Variants in FAM227B observed in about 807,000 individuals in gnomAD.
FAM227B encodes the protein protein FAM227B.
Under a neutral mutation model 73.8 loss-of-function variants are expected in FAM227B, and 88 were observed. The observed-to-expected ratio is 1.19, with a 90% confidence interval of 1.00 to 1.42. FAM227B has a LOEUF of 1.42. Ranked by LOEUF, FAM227B falls within the 40% of genes most tolerant of loss-of-function variation. FAM227B has a pLI of 0.00. For missense variants in FAM227B, 632 were observed against 590.9 expected, an observed-to-expected ratio of 1.07 and a Z score of -0.72; for synonymous variants, 210 against 190.5, an observed-to-expected ratio of 1.10 and a Z score of -0.84.
intron 3 of FAM227B, chr15:49,606,045 T>G (rs2077498458): frequency 6.6e-6 from 1 of 152,366 alleles, no homozygotes; most frequent in Non-Finnish European, 1.5e-5. Context: ...CACACTGTTC[T>G]GCCCTTGCTT....
intron 10 of FAM227B, among the ~76,000 whole-genome samples, chr15:49,508,602 T>C (rs1258122774): frequency 3.9e-5 from 6 of 152,020 alleles, no homozygotes; most frequent in African/African-American, 1.4e-4. Flanking sequence ...TGGGAAAGTA[T>C]GACACAAATA....
chr15:49,327,860 G>T lies in FAM227B; in HGVS notation c.*708C>A. ...AAACCCCGCATGTATTTTCTTCTTA[G>T]AACTTAGATAGGCTATGTGTTCTAC... On this transcript the variant is annotated 3_prime_UTR_variant, in exon 16 of 16. Coordinates refer to ENST00000299338, the MANE Select transcript of FAM227B (RefSeq NM_152647.3). 1 of 1,233,378 alleles carries T rather than the reference G, an allele frequency of 8.1e-7. No individual in the cohort carries two copies. The highest frequency in any genetic ancestry group is 1.7e-5 in the South Asian group (1 of 60,498). 76.4% of individuals were successfully genotyped at this position (1,233,378 alleles called of 1,614,324 possible). A position where few individuals can be genotyped will look rare whatever the true frequency, so the allele number is the denominator to read the frequency against.
At chr15:49,604,972 C>T (rs986810542) in intron 3 of FAM227B, among the ~76,000 whole-genome samples, 1 of 151,764 alleles carries the variant, frequency 6.6e-6, no homozygotes, top group Non-Finnish European at 1.5e-5. Context: ...TCTTTGTGTT[C>T]TCTTGTTTAC....
At chr15:49,564,526 G>C (rs1461145956) in intron 9 of FAM227B, among the ~76,000 whole-genome samples, 4 of 152,154 alleles carry the variant, frequency 2.6e-5, no homozygotes, top group Non-Finnish European at 5.9e-5. Context: ...CTATCAAAAA[G>C]ACACATGTAC....
chr15:49,424,988 A>G (rs1444114188), intron 11 of FAM227B: 1 of 153,318 alleles, frequency 6.5e-6, no homozygotes, highest in African/African-American at 2.4e-5. Context: ...TAGGGAAATT[A>G]TTTTTATTAA....
chr15:49,425,712 T>G (rs767952958), intron 11 of FAM227B, among the ~76,000 whole-genome samples: 1 of 151,910 alleles, frequency 6.6e-6, no homozygotes, highest in Admixed American at 6.6e-5. Flanking sequence ...CAGAGAATTA[T>G]GTTTCCAATA....
At chr15:49,605,058 C>T (rs2077427962) in intron 3 of FAM227B, among the ~76,000 whole-genome samples, 1 of 149,330 alleles carries the variant, frequency 6.7e-6, no homozygotes. Flanking sequence ...GTAACTGATG[C>T]TTCTATTTGT....
intron 1 of FAM227B, 25 bp downstream of exon 1, chr15:49,620,675 G>A (rs1341222101): frequency 6.6e-6 from 1 of 152,098 alleles, no homozygotes; most frequent in African/African-American, 2.4e-5. Context: ...CTTTTCTCTG[G>A]GATCAACATT....
At chr15:49,605,221 T>G (rs914477112) in intron 3 of FAM227B, among the ~76,000 whole-genome samples, 6 of 152,232 alleles carry the variant, frequency 3.9e-5, no homozygotes, top group African/African-American at 1.4e-4. Context: ...GTGGGGTCCA[T>G]GGACTTCCTG....
chr15:49,560,206 A>G (rs1324999198), intron 9 of FAM227B, among the ~76,000 whole-genome samples: 1 of 151,970 alleles, frequency 6.6e-6, no homozygotes, highest in Non-Finnish European at 1.5e-5. Context: ...GAAATAAAAA[A>G]CTCACCAAAG....
chr15:49,408,165 G>A (rs781580651), intron 11 of FAM227B, among the ~76,000 whole-genome samples: 4 of 152,074 alleles, frequency 2.6e-5, no homozygotes, highest in African/African-American at 7.2e-5. Context: ...GCAAGAAAAC[G>A]TTTTTATTTA....
intron 11 of FAM227B, among the ~76,000 whole-genome samples, chr15:49,426,921 C>G (rs2050180272): frequency 6.6e-6 from 1 of 151,872 alleles, no homozygotes; most frequent in Non-Finnish European, 1.5e-5. Context: ...TAAGTAAACC[C>G]TAAAACTGTC....
chr15:49,462,527 T>C lies in FAM227B; in HGVS notation c.1012+45684A>G, dbSNP rs528562815. ...TTTGTTAAAAAGTCTCTACTGATTC[T>C]ATTTTAACTTTGTATCTTTCATTCA... is the stretch of plus-strand genomic sequence containing the variant. On this transcript the variant is annotated intron_variant, in intron 11 of 15. Coordinates refer to ENST00000299338, the MANE Select transcript of FAM227B (RefSeq NM_152647.3). Among the ~76,000 whole-genome samples the C allele has an allele frequency of 4.6e-5, 7 of 152,350 alleles. No individual in the cohort carries two copies. In the South Asian group the frequency reaches 8.3e-4, roughly 18 times the overall value.
At chr15:49,418,782 CA>C in intron 11 of FAM227B, among the ~76,000 whole-genome samples, 1 of 148,220 alleles carries the variant, frequency 6.7e-6, no homozygotes, top group East Asian at 2.0e-4. Context: ...CCTAAAAGAT[CA>C]AAAAAAGAAA....
chr15:49,397,725 G>C (rs2047797579), intron 11 of FAM227B, among the ~76,000 whole-genome samples: 1 of 152,122 alleles, frequency 6.6e-6, no homozygotes, highest in African/African-American at 2.4e-5. Flanking sequence ...TTTCAACCCA[G>C]AATTTCATAT....
chr15:49,449,643 T>C (rs755093362), intron 11 of FAM227B, among the ~76,000 whole-genome samples: 34 of 152,026 alleles, frequency 2.2e-4, no homozygotes, highest in Non-Finnish European at 4.4e-4. Flanking sequence ...AAATATGCCA[T>C]ACTGTCGGCT....
Position 49,335,494 on chromosome 15 carries a change from A to G in FAM227B, c.1274T>C (p.Leu425Pro), listed in dbSNP as rs887845099. The change falls in exon 14 of 16, where the codon CTA (leucine) becomes CCA (proline). Residue 425 changes from leucine to proline, a missense_variant and splice_region_variant. By Grantham distance (98) the Leu-to-Pro change is moderately conservative. Transcript: ENST00000299338. Reference protein sequence around the residue: ...IKLTKIFQEPLPAPTYRDVIK... With the variant: ...IKLTKIFQEPPPAPTYRDVIK... Reference sequence around the variant, plus strand: ...AACATCACGGTATGTTGGAGCAGGTAGTGTGCTAGGCTTATTATTAAGGAA... The same window carrying G: ...AACATCACGGTATGTTGGAGCAGGTGGTGTGCTAGGCTTATTATTAAGGAA... The G allele has an allele frequency of 1.2e-6, 2 of 1,612,024 alleles. No individual in the cohort carries two copies. The highest frequency in any genetic ancestry group is 2.7e-5 in the African/African-American group (2 of 75,014).
chr15:49,356,982 C>A (rs1286953167), intron 13 of FAM227B, among the ~76,000 whole-genome samples: 4 of 150,710 alleles, frequency 2.7e-5, no homozygotes, highest in South Asian at 4.2e-4. Flanking sequence ...TCCTGAATGA[C>A]TACTGGGTAC....
chr15:49,501,482 T>C (rs142338653), intron 11 of FAM227B, among the ~76,000 whole-genome samples: 1 of 152,278 alleles, frequency 6.6e-6, no homozygotes, highest in East Asian at 1.9e-4. Context: ...GGGTATCTGG[T>C]GGAAGAAATT....
Sources: allele counts gnomAD v4.1 joint callset (sites outside exome capture counted in the v4.1 genomes callset), GRCh38; gene constraint gnomAD v4.1.1; transcripts MANE v1.5; gene names NCBI Gene and HGNC (gene_info 2026-07-23, HGNC 2026-07-21).